The following MAGT1 variants were observed in gnomAD, a reference collection of about 807,000 sequenced individuals.
MAGT1 encodes the protein dolichyl-diphosphooligosaccharide--protein glycosyltransferase subunit MAGT1.
A neutral mutation model predicts 28.4 loss-of-function variants in MAGT1; 4 were observed. That is an observed-to-expected ratio of 0.14 (90% CI 0.07 to 0.32). The LOEUF is 0.32. Ranked by LOEUF, MAGT1 falls within the 10% of genes least tolerant of loss-of-function variation. The pLI is 1.00. For missense variants in MAGT1, 193 were observed against 264.5 expected, an observed-to-expected ratio of 0.73 and a Z score of 1.88; for synonymous variants, 89 against 89.7, an observed-to-expected ratio of 0.99 and a Z score of 0.04.
At chrX:77,889,465 G>A (rs896921238) in intron 1 of MAGT1, among the ~76,000 whole-genome samples, 14 of 105,197 alleles carry the variant, frequency 1.3e-4, no homozygotes, top group Non-Finnish European at 1.7e-4. Flanking sequence ...TCTGCCTCCC[G>A]GGTTCACGCC....
intron 1 of MAGT1, among the ~76,000 whole-genome samples, chrX:77,882,874 G>A (rs1375614755): frequency 9.4e-6 from 1 of 106,595 alleles, no homozygotes; most frequent in African/African-American, 3.4e-5. Flanking sequence ...GGCTGAGGCA[G>A]GAGGATCACT....
At chrX:77,857,636 A>G (rs1299476093) in intron 3 of MAGT1, 139 bp from the exon 4 acceptor site, 4 of 741,950 alleles carry the variant, frequency 5.4e-6, no homozygotes, top group East Asian at 6.6e-5. Flanking sequence ...TTGCCCAAGG[A>G]AAGTGGTAAG....
chrX:77,841,267 T>C lies in MAGT1; in HGVS notation c.880A>G (p.Met294Val), dbSNP rs374143885. Residue 294 changes from methionine (M) to valine (V), a missense_variant, in exon 8 of 10, where the codon ATG becomes GTG. Physicochemically the swap from Met to Val is conservative, Grantham distance 21. Coordinates refer to ENST00000618282, the MANE Select transcript of MAGT1 (RefSeq NM_001367916.1). Reference protein sequence around the residue: ...VLLCEAATSDMDIGKRKIMCV... With the variant: ...VLLCEAATSDVDIGKRKIMCV... ...TTACTCTTTCGCTTTCCAATATCCA[T>C]GTCAGAGGTAGCAGCTTCACATAAA... The C allele has an allele frequency of 2.0e-5, 24 of 1,204,846 alleles. No individual in the cohort carries two copies. The highest frequency in any genetic ancestry group is 1.9e-4 in the African/African-American group (11 of 57,140).
At chrX:77,829,345 G>A (rs1381731625) in intron 9 of MAGT1, 110 bp from the exon 10 acceptor site, 7 of 578,802 alleles carry the variant, frequency 1.2e-5, no homozygotes, top group East Asian at 3.5e-5. Flanking sequence ...ATTTTGGTAC[G>A]TACATGATAA....
intron 7 of MAGT1, among the ~76,000 whole-genome samples, chrX:77,846,895 G>C (rs2076953154): frequency 8.9e-6 from 1 of 111,997 alleles, no homozygotes; most frequent in Non-Finnish European, 1.9e-5. Flanking sequence ...CCCACTTAAG[G>C]AGGCAGTCTG....
intron 1 of MAGT1, among the ~76,000 whole-genome samples, chrX:77,891,271 A>G (rs1429180507): frequency 1.8e-5 from 2 of 110,691 alleles, no homozygotes; most frequent in Non-Finnish European, 3.8e-5. Flanking sequence ...CTGTGCTTCT[A>G]TGAGCAAGCC....
chrX:77,872,763 T>C (rs1283563968), intron 2 of MAGT1, among the ~76,000 whole-genome samples: 1 of 112,189 alleles, frequency 8.9e-6, no homozygotes, highest in Non-Finnish European at 1.9e-5. Context: ...GTTGATCTGG[T>C]ACTTAATCAC....
In MAGT1 at chrX:77,891,588, T is replaced by G. The variant is rs782577489; in HGVS notation, c.102+3721A>C. Among the ~76,000 whole-genome samples the G allele has an allele frequency of 9.0e-5, 10 of 111,652 alleles. No homozygotes were observed. In the East Asian group the frequency reaches 2.8e-3, roughly 31 times the overall value. ...ATGTTAATGTGTGTATTATAGATAA[T>G]GAGTGTAAACTATAGTGCCTGGCAT... On this transcript the variant is annotated intron_variant, in intron 1 of 9. Coordinates refer to ENST00000618282, the MANE Select transcript of MAGT1 (RefSeq NM_001367916.1).
chrX:77,872,895 T>A (rs144814215), intron 2 of MAGT1, among the ~76,000 whole-genome samples: 1 of 112,388 alleles, frequency 8.9e-6, no homozygotes, highest in African/African-American at 3.2e-5. Flanking sequence ...ACAGTATAAT[T>A]CATGTTGCTG....
At chrX:77,877,413 A>T (rs1461805095) in intron 1 of MAGT1, among the ~76,000 whole-genome samples, 1 of 109,875 alleles carries the variant, frequency 9.1e-6, no homozygotes, top group African/African-American at 3.3e-5. Flanking sequence ...ATTGCTTGAG[A>T]CTGGGAGGCA....
intron 3 of MAGT1, among the ~76,000 whole-genome samples, chrX:77,863,305 G>T (rs2076999437): frequency 9.1e-6 from 1 of 110,248 alleles, no homozygotes; most frequent in Non-Finnish European, 1.9e-5. Context: ...GAGGTCAGGA[G>T]ATCGAGACCA....
intron 3 of MAGT1, among the ~76,000 whole-genome samples, chrX:77,869,803 A>G (rs782651427): frequency 8.9e-6 from 1 of 111,919 alleles, no homozygotes; most frequent in Non-Finnish European, 1.9e-5. Context: ...TGCTGGTGGG[A>G]ATGTAAACTA....
At chrX:77,874,457 G>A (rs1367984810) in intron 2 of MAGT1, among the ~76,000 whole-genome samples, 1 of 107,468 alleles carries the variant, frequency 9.3e-6, no homozygotes, top group Non-Finnish European at 1.9e-5. Context: ...TTAGCTGGGC[G>A]TGGTGGTGTG....
chrX:77,828,939 C>A lies in MAGT1; in HGVS notation c.*281G>T. ...TAACTAAAACAAAGTAGTAGTTTTA[C>A]AATTTTTATAATATACTTAATTGTA... On this transcript the variant is annotated 3_prime_UTR_variant, in exon 10 of 10. Coordinates refer to ENST00000618282, the MANE Select transcript of MAGT1 (RefSeq NM_001367916.1). 1 of 224,158 alleles carries A rather than the reference C, an allele frequency of 4.5e-6. No individual in the cohort carries two copies. The allele number at this position is 224,158 out of a possible 1,213,427, so 18.5% of individuals were successfully genotyped here. A position where few individuals can be genotyped will look rare whatever the true frequency, so the allele number is the denominator to read the frequency against.
chrX:77,887,846 C>T (rs1054184674), intron 1 of MAGT1, among the ~76,000 whole-genome samples: 1 of 112,351 alleles, frequency 8.9e-6, no homozygotes, highest in Admixed American at 9.5e-5. Context: ...CTTGCTCTGC[C>T]ACCCAGGCTG....
Position 77,883,006 on chromosome X carries a change from T to TTA in MAGT1, c.103-7411_103-7410dup, listed in dbSNP as rs1158685647. ...ATTTATATATATAATTTATATATAT[T>TTA]TATATATATAAATTATATATTTGTT... On this transcript the variant is annotated intron_variant, in intron 1 of 9. Transcript: ENST00000618282. 2.0e-4 allele frequency among the ~76,000 whole-genome samples: 20 copies of TTA among 100,569 alleles called. 1 individual carries two copies. Among genetic ancestry groups the TTA allele is most frequent in the African/African-American group, 7.2e-4 (20 of 27,929 alleles). The allele number at this position is 100,569 out of a possible 115,157, so 87.3% of individuals were successfully genotyped here. A position where few individuals can be genotyped will look rare whatever the true frequency, so the allele number is the denominator to read the frequency against.
intron 8 of MAGT1, among the ~76,000 whole-genome samples, chrX:77,834,260 G>GTT (rs2076908786): frequency 1.7e-5 from 1 of 58,301 alleles, no homozygotes; most frequent in Non-Finnish European, 4.3e-5. Context: ...ATATACATGT[G>GTT]TGTATATATG....
chrX:77,860,019 C>G (rs2076990757), intron 3 of MAGT1, among the ~76,000 whole-genome samples: 1 of 112,296 alleles, frequency 8.9e-6, no homozygotes, highest in Non-Finnish European at 1.9e-5. Flanking sequence ...CATTATCATA[C>G]TATTAATTTG....
At chrX:77,859,432 T>C (rs1458928641) in intron 3 of MAGT1, among the ~76,000 whole-genome samples, 3 of 111,981 alleles carry the variant, frequency 2.7e-5, no homozygotes, top group South Asian at 3.7e-4. Flanking sequence ...ATTAATGGTA[T>C]TTTCCTGGTT....
Sources: gnomAD v4.1 joint callset for allele counts (sites outside exome capture counted in the v4.1 genomes callset) on GRCh38, gnomAD v4.1.1 for gene constraint, MANE v1.5 for transcripts, NCBI Gene and HGNC (gene_info 2026-07-23, HGNC 2026-07-21) for gene names.